The following KHDRBS1 variants were observed in gnomAD, a reference collection of about 807,000 sequenced individuals.
KHDRBS1 encodes the protein KH RNA binding domain containing, signal transduction associated 1, also known as KH domain-containing, RNA-binding, signal transduction-associated protein 1.
In KHDRBS1, 7 loss-of-function variants were observed where a neutral mutation model predicts 48.4. The ratio of observed to expected loss-of-function variants is 0.14; its 90% CI spans 0.08 to 0.27. The LOEUF (loss-of-function observed/expected upper bound fraction) is 0.27, where lower values mean the gene tolerates loss of function less well. Ranked by LOEUF, KHDRBS1 falls within the 10% of genes least tolerant of loss-of-function variation. The pLI is 1.00. For missense variants in KHDRBS1, 458 were observed against 601.2 expected (o/e 0.76, Z 2.49); for synonymous variants, 241 against 235.8 (o/e 1.02, Z -0.20).
intron 4 of KHDRBS1, among the ~76,000 whole-genome samples, chr1:32,035,670 C>G (rs1244082343): frequency 6.6e-6 from 1 of 152,198 alleles, no homozygotes; most frequent in African/African-American, 2.4e-5. Flanking sequence ...TCTTCCTGAA[C>G]AGGTTATCAT....
chr1:32,051,235 C>T (rs1040769038), intron 10 of KHDRBS1, among the ~76,000 whole-genome samples: 3 of 152,190 alleles, frequency 2.0e-5, no homozygotes, highest in East Asian at 1.9e-4. Flanking sequence ...CCCATTGTCC[C>T]GGCACCATTT....
intron 10 of KHDRBS1, among the ~76,000 whole-genome samples, chr1:32,058,932 G>A (rs955710949): frequency 2.0e-5 from 3 of 151,966 alleles, no homozygotes; most frequent in African/African-American, 7.3e-5. Context: ...CGAGGTGGGC[G>A]GATCACCTGA....
intron 4 of KHDRBS1, among the ~76,000 whole-genome samples, chr1:32,034,084 A>G (rs1287968372): frequency 6.6e-6 from 1 of 152,248 alleles, no homozygotes; most frequent in Admixed American, 6.5e-5. Flanking sequence ...ATTTAATAAC[A>G]AGGATGAATC....
chr1:32,052,402 CT>C (rs796233876), intron 10 of KHDRBS1: 252 of 143,134 alleles, frequency 1.8e-3, no homozygotes, highest in Middle Eastern at 7.2e-3. Context: ...ATAGTGGTTT[CT>C]TTTTTTTTTT....
At chr1:32,058,795 T>C (rs1328900015) in intron 10 of KHDRBS1, among the ~76,000 whole-genome samples, 1 of 152,156 alleles carries the variant, frequency 6.6e-6, no homozygotes, top group African/African-American at 2.4e-5. Context: ...AGAGTGAGAC[T>C]GTCTCAACAA....
intron 10 of KHDRBS1, among the ~76,000 whole-genome samples, chr1:32,053,789 A>C (rs1213352806): frequency 1.3e-5 from 2 of 152,198 alleles, no homozygotes; most frequent in Non-Finnish European, 2.9e-5. Flanking sequence ...AATGCATATA[A>C]AACATTCACC....
chr1:32,033,749 A>G (rs1160110889), intron 4 of KHDRBS1, among the ~76,000 whole-genome samples: 1 of 152,252 alleles, frequency 6.6e-6, no homozygotes, highest in Non-Finnish European at 1.5e-5. Context: ...AGTAGAGACT[A>G]GCAGCAAGAA....
chr1:32,055,259 C>T (rs1255765395), intron 10 of KHDRBS1, among the ~76,000 whole-genome samples: 2 of 152,092 alleles, frequency 1.3e-5, no homozygotes, highest in Non-Finnish European at 2.9e-5. Context: ...ACCAGCCTGG[C>T]CAACATGGTG....
chr1:32,052,354 A>G (rs1372009676), intron 10 of KHDRBS1: 3 of 152,070 alleles, frequency 2.0e-5, no homozygotes, highest in Non-Finnish European at 2.9e-5. Context: ...AGAAAAGAAA[A>G]AAAGAAAGAA....
intron 10 of KHDRBS1, among the ~76,000 whole-genome samples, chr1:32,057,169 C>T (rs546495249): frequency 6.6e-6 from 1 of 152,042 alleles, no homozygotes; most frequent in Non-Finnish European, 1.5e-5. Context: ...AGCCGAGGTA[C>T]GAATCTGGAC....
At chr1:32,037,798 T>C (rs532919244) in intron 5 of KHDRBS1, 37 bp from the exon 6 acceptor site, 1 of 1,601,972 alleles carries the variant, frequency 6.2e-7, no homozygotes, top group South Asian at 1.1e-5. Flanking sequence ...GGCCTGTTTA[T>C]AAAAAGCTCC....
downstream of KHDRBS1, among the ~76,000 whole-genome samples, chr1:32,048,232 G>T (rs565682244): frequency 1.3e-5 from 2 of 152,116 alleles, no homozygotes; most frequent in African/African-American, 2.4e-5. Context: ...TCTTGGCTGC[G>T]CATGGCAGCT....
chr1:32,049,776 C>G (rs1346921871), intron 10 of KHDRBS1, among the ~76,000 whole-genome samples: 1 of 151,944 alleles, frequency 6.6e-6, no homozygotes, highest in Non-Finnish European at 1.5e-5. Flanking sequence ...ATTCTCCTGC[C>G]TCAGCCTCCC....
At chr1:32,037,428 A>G (rs1639204455) in intron 5 of KHDRBS1, among the ~76,000 whole-genome samples, 1 of 151,188 alleles carries the variant, frequency 6.6e-6, no homozygotes, top group Admixed American at 6.6e-5. Flanking sequence ...TGGGAGATAG[A>G]GCAAGACTCC....
At position 32,039,578 on chromosome 1, in the gene KHDRBS1, GTCTTTA is replaced by G; in HGVS notation, c.1234+9_1234+14del. On this transcript the variant is annotated splice_donor_region_variant and intron_variant, in intron 8 of 8. Coordinates refer to ENST00000327300, the MANE Select transcript of KHDRBS1 (RefSeq NM_006559.3). The stretch of plus-strand genomic sequence containing the variant: ...AAGATTCTTATGAAGCTTATGGTAT[GTCTTTA>G]TCTCTGTGGTGGGGCAGAATGTACA... 7.0e-7 allele frequency: 1 copy of G among 1,425,418 alleles called. No homozygotes were observed. Among genetic ancestry groups the G allele is most frequent in the Non-Finnish European group, 9.9e-7 (1 of 1,007,834 alleles). The allele number at this position is 1,425,418 out of a possible 1,614,324, so 88.3% of individuals were successfully genotyped here. A position where few individuals can be genotyped will look rare whatever the true frequency, so the allele number is the denominator to read the frequency against.
intron 1 of KHDRBS1, among the ~76,000 whole-genome samples, chr1:32,017,047 C>G (rs1033723318): frequency 2.0e-5 from 3 of 152,146 alleles, no homozygotes; most frequent in Non-Finnish European, 4.4e-5. Context: ...CACTTGAGGT[C>G]AGGAGTTCAA....
intron 10 of KHDRBS1, among the ~76,000 whole-genome samples, chr1:32,056,830 T>C (rs951723431): frequency 2.6e-5 from 4 of 152,222 alleles, no homozygotes; most frequent in Non-Finnish European, 5.9e-5. Flanking sequence ...TTCACTATTA[T>C]ACATTAGAAC....
intron 10 of KHDRBS1, among the ~76,000 whole-genome samples, chr1:32,049,957 G>A (rs1468166459): frequency 2.6e-5 from 4 of 152,094 alleles, no homozygotes; most frequent in Non-Finnish European, 4.4e-5. Context: ...CACCACGCCC[G>A]GCCTGTTTAA....
intron 4 of KHDRBS1, among the ~76,000 whole-genome samples, chr1:32,035,612 A>G (rs916216874): frequency 2.0e-5 from 3 of 152,294 alleles, no homozygotes; most frequent in Middle Eastern, 3.4e-3. Flanking sequence ...GCAATGCTTC[A>G]CAGTGCCGTA....
Sources: allele counts gnomAD v4.1 joint callset (sites outside exome capture counted in the v4.1 genomes callset), GRCh38; gene constraint gnomAD v4.1.1; transcripts MANE v1.5; gene names NCBI Gene and HGNC (gene_info 2026-07-23, HGNC 2026-07-21).